Variants in SNX29 observed in about 807,000 individuals in gnomAD.
SNX29 encodes the protein sorting nexin 29, also known as sorting nexin-29.
A neutral mutation model predicts 102.1 loss-of-function variants in SNX29; 78 were observed. The ratio of observed to expected loss-of-function variants is 0.76; its 90% CI spans 0.64 to 0.92. The LOEUF (loss-of-function observed/expected upper bound fraction) is 0.92. Ranked by LOEUF, SNX29 falls within the 40% of genes least tolerant of loss-of-function variation. The pLI is 0.00. For synonymous variants in SNX29, 580 were observed against 414.5 expected, an observed-to-expected ratio of 1.40 and a Z score of -4.85; for missense variants, 1,280 against 1,061.7, an observed-to-expected ratio of 1.21 and a Z score of -2.86.
intron 13 of SNX29, among the ~76,000 whole-genome samples, chr16:12,147,378 C>T (rs1334963439): frequency 6.6e-6 from 1 of 152,210 alleles, no homozygotes; most frequent in Non-Finnish European, 1.5e-5. Flanking sequence ...TATGACAGAA[C>T]TCTTATGAAA....
chr16:12,288,754 A>G (rs1263462292), intron 15 of SNX29, among the ~76,000 whole-genome samples: 1 of 151,788 alleles, frequency 6.6e-6, no homozygotes, highest in Non-Finnish European at 1.5e-5. Flanking sequence ...ATTTTTAGGC[A>G]CTGTGTTAAT....
At chr16:12,252,706 G>T (rs948953090) in intron 14 of SNX29, among the ~76,000 whole-genome samples, 1 of 152,180 alleles carries the variant, frequency 6.6e-6, no homozygotes, top group African/African-American at 2.4e-5. Flanking sequence ...TTGCGGTGCC[G>T]AGGTGCCTGG....
At chr16:12,442,588 TG>T (rs370585944) in intron 18 of SNX29, among the ~76,000 whole-genome samples, 8 of 150,254 alleles carry the variant, frequency 5.3e-5, no homozygotes, top group African/African-American at 1.7e-4. Context: ...TGTGTTTTTT[TG>T]TTTTTTTTTT....
intron 14 of SNX29, among the ~76,000 whole-genome samples, chr16:12,268,529 A>G (rs1020896163): frequency 6.6e-6 from 1 of 152,158 alleles, no homozygotes; most frequent in Non-Finnish European, 1.5e-5. Context: ...TTGTTGGAAC[A>G]CTGTGGGTAA....
At chr16:12,484,720 C>G (rs2088141831) in intron 19 of SNX29, among the ~76,000 whole-genome samples, 1 of 152,198 alleles carries the variant, frequency 6.6e-6, no homozygotes, top group South Asian at 2.1e-4. Context: ...CTCCCATTCA[C>G]CAGATGTCAG....
chr16:11,994,072 G>T (rs187500439), intron 1 of SNX29, among the ~76,000 whole-genome samples: 2 of 152,332 alleles, frequency 1.3e-5, no homozygotes, highest in Admixed American at 1.3e-4. Context: ...AGTGAGCTGA[G>T]ATCGCGCCAT....
At chr16:12,211,327 C>G (rs1393091100) in intron 14 of SNX29, among the ~76,000 whole-genome samples, 2 of 152,170 alleles carry the variant, frequency 1.3e-5, no homozygotes, top group Non-Finnish European at 2.9e-5. Flanking sequence ...GGCCTTGTAA[C>G]CATCTAGAGA....
chr16:12,476,383 A>AATATATATATATATATATAT (rs1567603099), intron 18 of SNX29, among the ~76,000 whole-genome samples: 1 of 9,486 alleles, frequency 1.1e-4, no homozygotes, highest in Admixed American at 3.9e-3. Flanking sequence ...AAAAAAAAAA[A>AATATATATATATATATATAT]ATATATATAT....
chr16:12,144,825 C>G (rs1270897985), intron 13 of SNX29, among the ~76,000 whole-genome samples: 1 of 152,188 alleles, frequency 6.6e-6, no homozygotes, highest in Non-Finnish European at 1.5e-5. Flanking sequence ...GGATTCACAC[C>G]ATTCTCCTGC....
chr16:12,363,647 A>T (rs985262116), intron 16 of SNX29, among the ~76,000 whole-genome samples: 1 of 152,210 alleles, frequency 6.6e-6, no homozygotes. Context: ...AATGTTTGCT[A>T]CATGATGACT....
At chr16:12,148,192 T>G (rs894542092) in intron 13 of SNX29, among the ~76,000 whole-genome samples, 2 of 152,246 alleles carry the variant, frequency 1.3e-5, no homozygotes, top group Non-Finnish European at 2.9e-5. Flanking sequence ...GAGAGCTCCC[T>G]GAGAGCTGAG....
chr16:12,373,000 A>G (rs2082737230), intron 16 of SNX29: 1 of 152,216 alleles, frequency 6.6e-6, no homozygotes, highest in East Asian at 1.9e-4. Context: ...TCTCCATTTT[A>G]GAGATGACAA....
At position 11,982,558 on chromosome 16, in the gene SNX29, T is replaced by C. The variant is rs568629542; in HGVS notation, c.7+5745T>C. Among the ~76,000 whole-genome samples the C allele has an allele frequency of 1.8e-4, 27 of 151,662 alleles. No homozygotes were observed. In the East Asian group the frequency reaches 4.9e-3, roughly 27 times the overall value. ...CATTCTCCTGCCTCAGCCTCCCGAGTAGCTGGGACTACAGGCGCTTGCAAC... is the reference window on the plus strand; with the variant it reads ...CATTCTCCTGCCTCAGCCTCCCGAGCAGCTGGGACTACAGGCGCTTGCAAC... On this transcript the variant is annotated intron_variant, in intron 1 of 20. Coordinates refer to ENST00000566228, the MANE Select transcript of SNX29 (RefSeq NM_032167.5).
intron 20 of SNX29, among the ~76,000 whole-genome samples, chr16:12,567,507 A>C (rs2079060752): frequency 6.6e-6 from 1 of 152,178 alleles, no homozygotes; most frequent in South Asian, 2.1e-4. Context: ...AGGATTGGCC[A>C]GGCACAGTGG....
At chr16:12,061,474 C>A in intron 8 of SNX29, 54 bp from the exon 9 acceptor site, 2 of 1,443,312 alleles carry the variant, frequency 1.4e-6, no homozygotes, top group South Asian at 2.4e-5. Context: ...GTTGGTGAGT[C>A]ATGCGGCCTG....
At chr16:12,164,258 G>C (rs1168122527) in intron 13 of SNX29, among the ~76,000 whole-genome samples, 2 of 152,082 alleles carry the variant, frequency 1.3e-5, no homozygotes, top group African/African-American at 4.8e-5. Flanking sequence ...ATGTGAGAGG[G>C]CAATGAGGTA....
intron 14 of SNX29, among the ~76,000 whole-genome samples, chr16:12,219,746 G>C (rs1246751820): frequency 6.6e-6 from 1 of 152,226 alleles, no homozygotes; most frequent in African/African-American, 2.4e-5. Flanking sequence ...AATGAGGATT[G>C]TCCTGTGGTT....
intron 4 of SNX29, among the ~76,000 whole-genome samples, chr16:12,037,278 A>G (rs1567551304): frequency 6.6e-6 from 1 of 152,126 alleles, no homozygotes; most frequent in Non-Finnish European, 1.5e-5. Context: ...TTATAAAAAC[A>G]GTTTGGAGGC....
intron 18 of SNX29, among the ~76,000 whole-genome samples, chr16:12,439,061 C>G (rs729583): frequency 0.7 from 105,898 of 152,176 alleles, 37,913 homozygotes; most frequent in African/African-American, 0.87. Context: ...GCTCAGAGCA[C>G]GTGAGAAGGA....
Sources: gnomAD v4.1 joint callset for allele counts (sites outside exome capture counted in the v4.1 genomes callset) on GRCh38, gnomAD v4.1.1 for gene constraint, MANE v1.5 for transcripts, NCBI Gene and HGNC (gene_info 2026-07-23, HGNC 2026-07-21) for gene names.